Variants in RHOBTB3 observed in about 807,000 individuals in gnomAD.
RHOBTB3 encodes rho-related BTB domain-containing protein 3.
A neutral mutation model predicts 67.2 loss-of-function variants in RHOBTB3; 47 were observed. That is an observed-to-expected ratio of 0.70 (90% CI 0.55 to 0.89). RHOBTB3 has a LOEUF of 0.89. Among genes scored for constraint, RHOBTB3 ranks in the 40% least tolerant of loss-of-function variants. The pLI is 0.00. For synonymous variants in RHOBTB3, 273 were observed against 274.2 expected, an observed-to-expected ratio of 1.00 and a Z score of 0.04; for missense variants, 631 against 750.0, an observed-to-expected ratio of 0.84 and a Z score of 1.85.
chr5:95,781,743 G>GGGAGGCAGAGGCA (rs1561455580), intron 9 of RHOBTB3: 1 of 152,282 alleles, frequency 6.6e-6, no homozygotes, highest in African/African-American at 2.4e-5. Context: ...CCAGCTACAC[G>GGGAGGCAGAGGCA]GGAGGCAGAG....
intron 5 of RHOBTB3, among the ~76,000 whole-genome samples, chr5:95,753,398 T>C (rs761625387): frequency 9.2e-5 from 14 of 152,204 alleles, no homozygotes; most frequent in Non-Finnish European, 4.4e-5. Context: ...TGTTTGAAAA[T>C]ATTTTTAATA....
rs143572328 is a variant in RHOBTB3 at position 95,755,613 on chromosome 5, A to G, written c.900A>G (p.Arg300=). ...PTDIQDSSII[R]TTQDLFAINR... ...ACATTCAGGATTCCAGTATCATCCGAACTACCCAGGATCTTTTTGCTATAA... is the reference window on the plus strand; with the variant it reads ...ACATTCAGGATTCCAGTATCATCCGGACTACCCAGGATCTTTTTGCTATAA... The change falls in exon 6 of 12, where the codon CGA becomes CGG. Residue 300 remains arginine, a synonymous_variant. Transcript: ENST00000379982. The G allele has an allele frequency of 2.4e-3, 3,874 of 1,614,128 alleles. 13 individuals carry two copies. Among genetic ancestry groups the G allele is most frequent in the Non-Finnish European group, 2.7e-3 (3,131 of 1,180,010 alleles).
chr5:95,753,569 T>A (rs960862041), intron 5 of RHOBTB3, among the ~76,000 whole-genome samples: 1 of 152,188 alleles, frequency 6.6e-6, no homozygotes, highest in African/African-American at 2.4e-5. Context: ...TGCAGATATA[T>A]AGACCACATA....
At position 95,780,288 on chromosome 5, in the gene RHOBTB3, C is replaced by T. The variant is rs2112829575; in HGVS notation, c.1319C>T (p.Ala440Val). The T allele has an allele frequency of 6.2e-7, 1 of 1,613,838 alleles. No individual in the cohort carries two copies. Among genetic ancestry groups the T allele is most frequent in the East Asian group, 2.2e-5 (1 of 44,874 alleles). Reference protein sequence around the residue: ...TVPAHRAILVARCEVMAAMFN... With the variant: ...TVPAHRAILVVRCEVMAAMFN... The stretch of plus-strand genomic sequence containing the variant: ...CCAGCCCACAGGGCCATCCTGGTGG[C>T]CCGTTGTGAAGTGATGGCAGCCATG... Residue 440 changes from alanine to valine, a missense_variant, in exon 9 of 12, where the codon GCC becomes GTC. Coordinates refer to ENST00000379982, the MANE Select transcript of RHOBTB3 (RefSeq NM_014899.4).
chr5:95,757,116 C>G (rs1357484598), intron 6 of RHOBTB3, among the ~76,000 whole-genome samples: 1 of 149,862 alleles, frequency 6.7e-6, no homozygotes, highest in East Asian at 1.9e-4. Flanking sequence ...TTTTTTTTTT[C>G]CTTACTGTGC....
chr5:95,766,998 TGCCTGAGGTTAAGAGTTTGAGACCA>T (rs1251938497), intron 7 of RHOBTB3, among the ~76,000 whole-genome samples: 1 of 151,878 alleles, frequency 6.6e-6, no homozygotes, highest in Non-Finnish European at 1.5e-5. Flanking sequence ...GTAGGCGGAT[TGCCTGAGGTTAAGAGTTTGAGACCA>T]GCCTGGGAAA....
At chr5:95,734,896 G>A (rs575918079) in intron 2 of RHOBTB3, among the ~76,000 whole-genome samples, 4 of 152,064 alleles carry the variant, frequency 2.6e-5, no homozygotes, top group East Asian at 3.9e-4. Context: ...CCCCTTCCCC[G>A]GATACCTCTC....
At chr5:95,772,488 C>CT (rs927723162) in intron 8 of RHOBTB3, among the ~76,000 whole-genome samples, 9 of 151,380 alleles carry the variant, frequency 5.9e-5, no homozygotes, top group African/African-American at 1.5e-4. Context: ...TTTGTCTGCT[C>CT]TTTTTTTTTA....
At chr5:95,770,015 G>T in intron 8 of RHOBTB3, 1 of 399,490 alleles carries the variant, frequency 2.5e-6, no homozygotes, top group South Asian at 2.1e-5. Context: ...GTTTGGAGAA[G>T]GGGGTAGGCC....
rs562025413 is a variant in RHOBTB3, at chr5:95,732,692, C to T, written c.228+608C>T. ...TTAGTGACTCATAAATCAGAAATAA[C>T]ATTACTAATGTTGTTTGGAAAACTT... On this transcript the variant is annotated intron_variant, in intron 2 of 11. Coordinates refer to ENST00000379982, the MANE Select transcript of RHOBTB3 (RefSeq NM_014899.4). 320 of 126,068 alleles carry T rather than the reference C, an allele frequency of 2.5e-3. 2 individuals are homozygous for T. Among genetic ancestry groups the T allele is most frequent in the African/African-American group, 8.3e-3 (303 of 36,486 alleles). The allele number at this position is 126,068 out of a possible 1,614,324, so 7.8% of individuals were successfully genotyped here.
At chr5:95,736,061 C>T (rs1685173428) in intron 2 of RHOBTB3, among the ~76,000 whole-genome samples, 3 of 152,120 alleles carry the variant, frequency 2.0e-5, no homozygotes, top group Admixed American at 2.0e-4. Flanking sequence ...GAGATCGCAC[C>T]ACTGGACTCC....
chr5:95,742,960 AC>A (rs1465681842), intron 3 of RHOBTB3, among the ~76,000 whole-genome samples: 1 of 151,992 alleles, frequency 6.6e-6, no homozygotes, highest in African/African-American at 2.4e-5. Flanking sequence ...AGTCCCAGCT[AC>A]TCGGGAGGCT....
rs775637359 is a variant in RHOBTB3, at chr5:95,763,576, A to G, written c.1117A>G (p.Asn373Asp). Residue 373 changes from asparagine (N) to aspartate (D), a missense_variant, in exon 7 of 12, where the codon AAT becomes GAT. Physicochemically the swap from Asn to Asp is conservative, Grantham distance 23. Coordinates refer to ENST00000379982, the MANE Select transcript of RHOBTB3 (RefSeq NM_014899.4). Reference sequence around the variant, plus strand: ...GTTGAAAGATTCTGGGGATGTTTCAAATGTAATCGAGAAAGTTAAATGCAT... The same window carrying G: ...GTTGAAAGATTCTGGGGATGTTTCAGATGTAATCGAGAAAGTTAAATGCAT... Reference protein sequence around the residue: ...KKLKDSGDVSNVIEKVKCILK... With the variant: ...KKLKDSGDVSDVIEKVKCILK... 1.9e-6 allele frequency: 3 copies of G among 1,612,170 alleles called. No individual in the cohort carries two copies. The highest frequency in any genetic ancestry group is 3.3e-5 in the Admixed American group (2 of 59,956).
At chr5:95,783,561 C>CA (rs201633409) in intron 9 of RHOBTB3, 3,416 of 107,154 alleles carry the variant, frequency 0.032, 346 homozygotes, top group African/African-American at 0.086. Flanking sequence ...CCTGTCTCTA[C>CA]AAAAAAAAAA....
At chr5:95,788,883 A>C in intron 11 of RHOBTB3, 25 bp downstream of exon 11, 8 of 1,362,432 alleles carry the variant, frequency 5.9e-6, no homozygotes, top group Non-Finnish European at 8.0e-6. Flanking sequence ...TCTGTTTTGA[A>C]AAGAAAACTT....
Position 95,766,912 on chromosome 5 carries a change from T to C in RHOBTB3, c.1162-1134T>C, listed in dbSNP as rs117964826. Among the ~76,000 whole-genome samples the C allele has an allele frequency of 5.8e-4, 88 of 152,178 alleles. 1 individual carries two copies. In the East Asian group the frequency reaches 0.016, roughly 27 times the overall value. On this transcript the variant is annotated intron_variant, in intron 7 of 11. Transcript: ENST00000379982. The stretch of plus-strand genomic sequence containing the variant: ...AGGAAGGACAATTAGGATTATAAGA[T>C]TGGAGATGAAGATGGAGGTGAACCA...
At chr5:95,731,736 G>T (rs1561436877) in intron 1 of RHOBTB3, 52 bp downstream of exon 1, 1 of 1,611,804 alleles carries the variant, frequency 6.2e-7, no homozygotes, top group Non-Finnish European at 8.5e-7. Context: ...CGTGCCGTGC[G>T]CCCCAGGGAC....
intron 3 of RHOBTB3, among the ~76,000 whole-genome samples, chr5:95,746,703 A>T (rs1417803665): frequency 5.3e-5 from 8 of 152,144 alleles, no homozygotes; most frequent in Non-Finnish European, 1.0e-4. Context: ...TAGCAGTGTT[A>T]TGATTGCTTC....
chr5:95,794,238 G>T lies in RHOBTB3; in HGVS notation c.*1064G>T. 3 of 281,722 alleles carry T rather than the reference G, an allele frequency of 1.1e-5. No homozygotes were observed. The highest frequency in any genetic ancestry group is 9.9e-5 in the South Asian group (3 of 30,426). The allele number at this position is 281,722 out of a possible 1,614,324, so 17.5% of individuals were successfully genotyped here. On this transcript the variant is annotated 3_prime_UTR_variant, in exon 12 of 12. Coordinates refer to ENST00000379982, the MANE Select transcript of RHOBTB3 (RefSeq NM_014899.4). ...CTTTCTTGATCATTCTGTAAGACCA[G>T]GAGGTTGGTAAGAGTGACTAACCAG...
Sources: gnomAD v4.1 joint callset for allele counts (sites outside exome capture counted in the v4.1 genomes callset) on GRCh38, gnomAD v4.1.1 for gene constraint, MANE v1.5 for transcripts, NCBI Gene and HGNC (gene_info 2026-07-23, HGNC 2026-07-21) for gene names.